Variants in FER1L6 observed in about 807,000 individuals in gnomAD.
The protein encoded by FER1L6 is fer-1-like protein 6.
Under a neutral mutation model 219.2 loss-of-function variants are expected in FER1L6, and 177 were observed. That is an observed-to-expected ratio of 0.81 (90% confidence interval 0.71 to 0.91). The LOEUF is 0.91. Among genes scored for constraint, FER1L6 ranks in the 40% least tolerant of loss-of-function variants. FER1L6 has a pLI of 0.00. For missense variants in FER1L6, 2,153 were observed against 2,259.9 expected (o/e 0.95, Z 0.96); for synonymous variants, 768 against 824.3 (o/e 0.93, Z 1.17).
At chr8:124,117,883 G>A (rs943452583) in intron 39 of FER1L6, among the ~76,000 whole-genome samples, 4 of 152,028 alleles carry the variant, frequency 2.6e-5, no homozygotes, top group East Asian at 3.9e-4. Context: ...TCATACCTCC[G>A]AAGTCAAGTA....
In FER1L6 at chr8:124,035,456, T is replaced by A. The variant is rs1206310059; in HGVS notation, c.2464+2T>A. The stretch of plus-strand genomic sequence containing the variant: ...CCCCATCTAACCTGCTCTACCAAGG[T>A]AGGGTCCCCACTGGGCAAAGAGGGT... On this transcript the variant is annotated splice_donor_variant, in intron 19 of 40. Coordinates refer to ENST00000522917, the MANE Select transcript of FER1L6 (RefSeq NM_001039112.2). LOFTEE classifies it high-confidence loss of function. 1.2e-6 allele frequency: 2 copies of A among 1,611,470 alleles called. No homozygotes were observed. The highest frequency in any genetic ancestry group is 1.7e-6 in the Non-Finnish European group (2 of 1,179,286).
intron 1 of FER1L6, among the ~76,000 whole-genome samples, chr8:123,950,365 C>A (rs1296015171): frequency 6.6e-6 from 1 of 152,150 alleles, no homozygotes; most frequent in Non-Finnish European, 1.5e-5. Context: ...TTGGCATGCC[C>A]CAGGGTGGGC....
At chr8:123,872,246 C>T (rs1483996187) in intron 1 of FER1L6, among the ~76,000 whole-genome samples, 5 of 152,172 alleles carry the variant, frequency 3.3e-5, no homozygotes, top group South Asian at 2.1e-4. Context: ...CCAGGCCCCA[C>T]CTCAACATTG....
intron 25 of FER1L6, among the ~76,000 whole-genome samples, 161 bp from the exon 26 acceptor site, chr8:124,064,186 G>T (rs1205611981): frequency 6.6e-6 from 1 of 152,132 alleles, no homozygotes; most frequent in Non-Finnish European, 1.5e-5. Flanking sequence ...TAGTGAGATG[G>T]GTATTTTTAC....
At position 123,937,687 on chromosome 8, in the gene FER1L6, C is replaced by T. The variant is rs148491555; in HGVS notation, c.-7-18305C>T. Among the ~76,000 whole-genome samples the T allele has an allele frequency of 2.9e-3, 436 of 151,984 alleles. 2 individuals are homozygous for T. The highest frequency in any genetic ancestry group is 0.01 in the African/African-American group (421 of 41,468). ...TGATTCTTTTGTGTGTACTCATGGC[C>T]GAATATAGATAATTGGTCAGTAATA... On this transcript the variant is annotated intron_variant, in intron 1 of 40. Transcript: ENST00000522917.
At chr8:123,971,943 C>T (rs1815841056) in intron 6 of FER1L6, among the ~76,000 whole-genome samples, 1 of 152,206 alleles carries the variant, frequency 6.6e-6, no homozygotes, top group South Asian at 2.1e-4. Flanking sequence ...GGATGGATGA[C>T]TTTAAGAGGC....
intron 22 of FER1L6, 87 bp downstream of exon 22, chr8:124,049,843 G>A (rs759097826): frequency 1.6e-4 from 224 of 1,368,716 alleles, no homozygotes; most frequent in Non-Finnish European, 2.2e-4. Flanking sequence ...CAATGAAGCT[G>A]TGCCTGATCC....
chr8:124,010,527 C>A, intron 13 of FER1L6, 67 bp from the exon 14 acceptor site: 1 of 1,584,648 alleles, frequency 6.3e-7, no homozygotes, highest in Non-Finnish European at 8.6e-7. Flanking sequence ...AAAACATTAA[C>A]GTGTGACTGG....
intron 15 of FER1L6, among the ~76,000 whole-genome samples, chr8:124,015,571 CTATA>C (rs781161909): frequency 0.093 from 3,975 of 42,814 alleles, 153 homozygotes; most frequent in Middle Eastern, 0.2. Flanking sequence ...ATTATAAAAG[CTATA>C]TATATATATA....
At chr8:123,956,813 C>T (rs562172228) in intron 2 of FER1L6, among the ~76,000 whole-genome samples, 29 of 152,298 alleles carry the variant, frequency 1.9e-4, no homozygotes, top group African/African-American at 6.7e-4. Flanking sequence ...GAAGCAACAG[C>T]GTTGGGATGT....
chr8:123,944,275 A>T (rs1258360351), intron 1 of FER1L6, among the ~76,000 whole-genome samples: 1 of 148,912 alleles, frequency 6.7e-6, no homozygotes. Flanking sequence ...TAACAAATAT[A>T]TTCATCTTAT....
chr8:124,024,166 G>T (rs1322669012), intron 18 of FER1L6, among the ~76,000 whole-genome samples: 2 of 151,734 alleles, frequency 1.3e-5, no homozygotes, highest in Non-Finnish European at 2.9e-5. Context: ...AAAGTGCTGG[G>T]ATTACAAGCG....
intron 31 of FER1L6, 105 bp downstream of exon 31, chr8:124,071,736 C>T: frequency 7.1e-7 from 1 of 1,402,352 alleles, no homozygotes; most frequent in Non-Finnish European, 9.6e-7. Flanking sequence ...ATTTACTTTC[C>T]CACAGTTTTG....
rs774700999 is a variant in FER1L6, at chr8:124,013,504, T to A, written c.1895T>A (p.Val632Glu). 1 of 1,609,760 alleles carries A rather than the reference T, an allele frequency of 6.2e-7. No individual in the cohort carries two copies. The highest frequency in any genetic ancestry group is 1.3e-5 in the African/African-American group (1 of 74,726). ...GCACCTGAAGAGAAAATGAAAACAGTGCTCAGTGACTTCATCAGTCGGAGC... is the reference window on the plus strand; with the variant it reads ...GCACCTGAAGAGAAAATGAAAACAGAGCTCAGTGACTTCATCAGTCGGAGC... ...QEAPEEKMKT[V>E]LSDFISRSSA... Residue 632 changes from valine to glutamate, a missense_variant, in exon 15 of 41, where the codon GTG (valine) becomes GAG (glutamate). Val to Glu is a moderately radical substitution (Grantham distance 121, BLOSUM62 -2). Transcript: ENST00000522917.
intron 1 of FER1L6, among the ~76,000 whole-genome samples, chr8:123,954,839 T>C (rs959004613): frequency 6.6e-6 from 1 of 152,174 alleles, no homozygotes; most frequent in African/African-American, 2.4e-5. Flanking sequence ...GGCCCACAGA[T>C]ATTCACTGAA....
intron 32 of FER1L6, 42 bp from the exon 33 acceptor site, chr8:124,082,246 C>T (rs1821585819): frequency 2.6e-6 from 4 of 1,565,354 alleles, no homozygotes; most frequent in African/African-American, 2.7e-5. Context: ...CCCTGTGTCA[C>T]CAAATGTTAA....
intron 39 of FER1L6, among the ~76,000 whole-genome samples, chr8:124,107,664 G>C (rs999094484): frequency 2.0e-5 from 3 of 152,192 alleles, no homozygotes; most frequent in Non-Finnish European, 2.9e-5. Flanking sequence ...AAATTCATTT[G>C]TTGAATAGTT....
chr8:124,091,392 C>A (rs759881860), intron 33 of FER1L6, 31 bp from the exon 34 acceptor site: 3 of 1,603,160 alleles, frequency 1.9e-6, no homozygotes, highest in Admixed American at 3.4e-5. Context: ...TAAGTGAGGA[C>A]CTCAAAGTGT....
At chr8:123,867,330 C>G (rs1222697433) in intron 1 of FER1L6, among the ~76,000 whole-genome samples, 1 of 152,208 alleles carries the variant, frequency 6.6e-6, no homozygotes, top group Non-Finnish European at 1.5e-5. Flanking sequence ...CAAAAAATAA[C>G]TAGCTCAACC....
Sources: gnomAD v4.1 joint callset for allele counts (sites outside exome capture counted in the v4.1 genomes callset) on GRCh38, gnomAD v4.1.1 for gene constraint, MANE v1.5 for transcripts, NCBI Gene and HGNC (gene_info 2026-07-23, HGNC 2026-07-21) for gene names.